Variants in RIMS1 observed in about 807,000 individuals in gnomAD.
The protein encoded by RIMS1 is regulating synaptic membrane exocytosis protein 1.
Under a neutral mutation model 214.1 loss-of-function variants are expected in RIMS1, and 83 were observed. The ratio of observed to expected loss-of-function variants is 0.39; its 90% CI spans 0.32 to 0.47. The LOEUF is 0.47. Ranked by LOEUF, RIMS1 falls within the 20% of genes least tolerant of loss-of-function variation. The probability of loss-of-function intolerance (pLI) is 0.99; values close to 1 mark genes in which losing one functional copy is unlikely to be tolerated. For missense variants in RIMS1, 2,050 were observed against 2,161.8 expected (o/e 0.95, Z 1.03); for synonymous variants, 793 against 786.8 (o/e 1.01, Z -0.13).
In RIMS1 at chr6:72,258,970, T is replaced by C. The variant is rs990258164; in HGVS notation, c.2928-16T>C. ...ATGATACAATTTGACACATAAGAATTTTGTAATCATTTTAGGAGTTTAGAT... is the reference window on the plus strand; with the variant it reads ...ATGATACAATTTGACACATAAGAATCTTGTAATCATTTTAGGAGTTTAGAT... On this transcript the variant is annotated splice_polypyrimidine_tract_variant and intron_variant, in intron 17 of 33. Coordinates refer to ENST00000521978, the MANE Select transcript of RIMS1 (RefSeq NM_014989.7). 8.1e-6 allele frequency: 13 copies of C among 1,611,836 alleles called. No individual in the cohort carries two copies. The highest frequency in any genetic ancestry group is 1.1e-5 in the Non-Finnish European group (13 of 1,178,430).
intron 6 of RIMS1, among the ~76,000 whole-genome samples, chr6:72,213,777 G>A (rs897698136): frequency 1.3e-5 from 2 of 152,140 alleles, no homozygotes; most frequent in African/African-American, 2.4e-5. Flanking sequence ...AACTACAATA[G>A]CACAAGGTCA....
intron 4 of RIMS1, among the ~76,000 whole-genome samples, chr6:72,148,151 T>G (rs980273383): frequency 2.6e-5 from 4 of 152,178 alleles, no homozygotes; most frequent in African/African-American, 9.7e-5. Flanking sequence ...GTTTGGGGGA[T>G]TCATCTGAGG....
chr6:72,001,316 C>T (rs768577046), intron 2 of RIMS1, among the ~76,000 whole-genome samples: 27 of 152,222 alleles, frequency 1.8e-4, no homozygotes, highest in Non-Finnish European at 3.4e-4. Context: ...TGTCCTGAAA[C>T]GAATTTTCCA....
chr6:72,244,819 ACT>A (rs1340688350), intron 10 of RIMS1, among the ~76,000 whole-genome samples: 4 of 151,796 alleles, frequency 2.6e-5, no homozygotes, highest in Middle Eastern at 3.4e-3. Flanking sequence ...AACAGGGAAA[ACT>A]CTTTTTGTTT....
At chr6:72,090,169 A>AT (rs1311828175) in intron 2 of RIMS1, among the ~76,000 whole-genome samples, 2 of 152,108 alleles carry the variant, frequency 1.3e-5, no homozygotes, top group African/African-American at 4.8e-5. Flanking sequence ...TTAAAGTATA[A>AT]TAAAAAAAAA....
chr6:72,399,079 G>A lies in RIMS1; in HGVS notation c.4845G>A (p.Gln1615=). The part of the protein sequence containing the change: ...QQSLVFDESP[Q]GKVLQVIVWG... ...CTCTGGTTTTTGATGAAAGTCCACA[G>A]GGTAAAGTTCTTCAGGTCAGTAATA... Residue 1615 remains glutamine, a synonymous_variant, in exon 33 of 34, where the codon CAG becomes CAA. Coordinates refer to ENST00000521978, the MANE Select transcript of RIMS1 (RefSeq NM_014989.7). 1 of 1,605,024 alleles carries A rather than the reference G, an allele frequency of 6.2e-7. No individual in the cohort carries two copies. Among genetic ancestry groups the A allele is most frequent in the East Asian group, 2.2e-5 (1 of 44,710 alleles).
intron 2 of RIMS1, among the ~76,000 whole-genome samples, chr6:71,971,312 A>G (rs1795797388): frequency 1.3e-5 from 2 of 152,200 alleles, no homozygotes; most frequent in African/African-American, 4.8e-5. Context: ...AAATCAATTA[A>G]CAAACTATTG....
intron 2 of RIMS1, among the ~76,000 whole-genome samples, chr6:71,970,812 G>A (rs1795671648): frequency 6.6e-6 from 1 of 152,204 alleles, no homozygotes; most frequent in African/African-American, 2.4e-5. Context: ...TATGATAGCT[G>A]ATTCTCTGTA....
At chr6:72,179,502 T>C in intron 4 of RIMS1, 73 bp from the exon 5 acceptor site, 1 of 1,173,028 alleles carries the variant, frequency 8.5e-7, no homozygotes, top group Non-Finnish European at 1.2e-6. Context: ...TTTTCTTAAA[T>C]ATATTTTAAG....
chr6:72,183,241 A>G, intron 6 of RIMS1, 92 bp downstream of exon 6: 1 of 1,317,306 alleles, frequency 7.6e-7, no homozygotes, highest in East Asian at 2.5e-5. Context: ...TGGGTTCAGC[A>G]TTGAGGCTGG....
rs982020929 is a variant in RIMS1, at chr6:72,265,190, T to C, written c.3194+138T>C. 6.5e-5 allele frequency: 41 copies of C among 635,038 alleles called. 1 individual carries two copies. Among genetic ancestry groups the C allele is most frequent in the Middle Eastern group, 6.7e-4 (2 of 2,964 alleles). 39.3% of individuals were successfully genotyped at this position (635,038 alleles called of 1,614,324 possible). ...CTAATAAAATATTCTTTTGAAATAA[T>C]TATACAGTGAGAGACATTAAATTAA... On this transcript the variant is annotated intron_variant, in intron 20 of 33. Coordinates refer to ENST00000521978, the MANE Select transcript of RIMS1 (RefSeq NM_014989.7).
At chr6:72,369,846 A>C (rs1364559270) in intron 29 of RIMS1, among the ~76,000 whole-genome samples, 4 of 152,226 alleles carry the variant, frequency 2.6e-5, no homozygotes, top group African/African-American at 9.6e-5. Flanking sequence ...AGTCTATTGG[A>C]AATTATGATT....
intron 29 of RIMS1, among the ~76,000 whole-genome samples, chr6:72,346,748 T>C (rs2097278661): frequency 6.6e-6 from 1 of 151,862 alleles, no homozygotes; most frequent in South Asian, 2.1e-4. Context: ...TTTTGTGATA[T>C]GTGAAAATTC....
intron 6 of RIMS1, among the ~76,000 whole-genome samples, chr6:72,197,716 C>A (rs896795565): frequency 6.6e-6 from 1 of 151,920 alleles, no homozygotes; most frequent in African/African-American, 2.4e-5. Context: ...AATAAAATAA[C>A]CTGATCTTAG....
intron 4 of RIMS1, 25 bp downstream of exon 4, chr6:72,100,011 A>G (rs2153808085): frequency 1.3e-5 from 20 of 1,574,162 alleles, no homozygotes; most frequent in South Asian, 2.2e-5. Context: ...TTTCTTTTCT[A>G]TCATTTGTTA....
chr6:72,343,211 A>G (rs572632547), intron 29 of RIMS1, among the ~76,000 whole-genome samples: 1 of 151,938 alleles, frequency 6.6e-6, no homozygotes, highest in Admixed American at 6.6e-5. Flanking sequence ...GTCCTTGCCA[A>G]GGTGTCTGAA....
At chr6:72,384,612 C>T (rs983413139) in intron 29 of RIMS1, among the ~76,000 whole-genome samples, 7 of 152,106 alleles carry the variant, frequency 4.6e-5, no homozygotes, top group Admixed American at 3.3e-4. Context: ...TTCTTCTGTA[C>T]CTCTAACTGT....
chr6:72,119,657 T>G (rs915247158), intron 4 of RIMS1, among the ~76,000 whole-genome samples: 1 of 151,688 alleles, frequency 6.6e-6, no homozygotes, highest in African/African-American at 2.4e-5. Context: ...TATAGCCAAC[T>G]GATTTTTTTT....
intron 2 of RIMS1, among the ~76,000 whole-genome samples, chr6:72,090,960 T>G (rs966004573): frequency 6.6e-6 from 1 of 152,144 alleles, no homozygotes; most frequent in African/African-American, 2.4e-5. Flanking sequence ...GCCACTAACT[T>G]CATAAGGACT....
Sources: allele counts gnomAD v4.1 joint callset (sites outside exome capture counted in the v4.1 genomes callset), GRCh38; gene constraint gnomAD v4.1.1; transcripts MANE v1.5; gene names NCBI Gene and HGNC (gene_info 2026-07-23, HGNC 2026-07-21).